HS3ST5: variants seen among roughly 807,000 people sequenced by gnomAD.
HS3ST5 encodes heparan sulfate-glucosamine 3-sulfotransferase 5.
In HS3ST5, 10 loss-of-function variants were observed where a neutral mutation model predicts 25.4. That is an observed-to-expected ratio of 0.39 (90% CI 0.24 to 0.67). HS3ST5 has a LOEUF of 0.67. Ranked by LOEUF, HS3ST5 falls within the 30% of genes least tolerant of loss-of-function variation. HS3ST5 has a pLI of 0.44. For synonymous variants in HS3ST5, 170 were observed against 162.4 expected (o/e 1.05, Z -0.36); for missense variants, 324 against 420.7 (o/e 0.77, Z 2.01).
intron 4 of HS3ST5, chr6:114,059,618 T>G (rs1021950467): frequency 6.6e-6 from 1 of 152,196 alleles, no homozygotes; most frequent in African/African-American, 2.4e-5. Flanking sequence ...TCATGAGATT[T>G]GATGGTTTAA....
intron 1 of HS3ST5, among the ~76,000 whole-genome samples, chr6:114,257,068 A>C (rs995396273): frequency 6.6e-6 from 1 of 152,158 alleles, no homozygotes; most frequent in African/African-American, 2.4e-5. Context: ...CTTATTCACT[A>C]CCACAAGAAC....
At chr6:114,332,895 C>G (rs1415187310) in intron 1 of HS3ST5, among the ~76,000 whole-genome samples, 1 of 152,048 alleles carries the variant, frequency 6.6e-6, no homozygotes, top group Non-Finnish European at 1.5e-5. Context: ...CATTCCTTCC[C>G]TGGAGTCACC....
chr6:114,070,193 T>C (rs1773728971), intron 3 of HS3ST5, among the ~76,000 whole-genome samples: 1 of 151,656 alleles, frequency 6.6e-6, no homozygotes, highest in Non-Finnish European at 1.5e-5. Context: ...TAATAAATAT[T>C]CGTTCATTGA....
At chr6:114,306,256 T>TATAC (rs756494412) in intron 1 of HS3ST5, among the ~76,000 whole-genome samples, 4 of 115,420 alleles carry the variant, frequency 3.5e-5, no homozygotes, top group African/African-American at 9.0e-5. Flanking sequence ...TATATATATA[T>TATAC]ACACACACAC....
chr6:114,311,256 T>C (rs566159827), intron 1 of HS3ST5, among the ~76,000 whole-genome samples: 6 of 151,744 alleles, frequency 4.0e-5, no homozygotes, highest in East Asian at 1.9e-4. Context: ...TACTAAGATA[T>C]AGAGATCTAC....
rs371101980 is a variant in HS3ST5, at chr6:114,331,748, A to G, written c.-339+10447T>C. 5.9e-5 allele frequency among the ~76,000 whole-genome samples: 9 copies of G among 152,218 alleles called. No individual in the cohort carries two copies. In the East Asian group the frequency reaches 1.7e-3, roughly 29 times the overall value. The stretch of plus-strand genomic sequence containing the variant: ...CATTAAATGTATTAATCTACAGGTC[A>G]TTTCTATTTATTTAGTACTAGAGAC... On this transcript the variant is annotated intron_variant, in intron 1 of 4. Coordinates refer to ENST00000312719, the MANE Select transcript of HS3ST5 (RefSeq NM_153612.4).
intron 3 of HS3ST5, among the ~76,000 whole-genome samples, chr6:114,151,673 C>T (rs1470221952): frequency 6.6e-6 from 1 of 152,192 alleles, no homozygotes. Flanking sequence ...CAACCACTTG[C>T]TTCTGAGTTA....
chr6:114,078,751 C>A (rs1347394965), intron 3 of HS3ST5, among the ~76,000 whole-genome samples: 1 of 152,112 alleles, frequency 6.6e-6, no homozygotes, highest in African/African-American at 2.4e-5. Flanking sequence ...GTAAATTCAT[C>A]CCCTTTCTAT....
rs548097129 is a variant in HS3ST5, at chr6:114,304,256, T to A, written c.-339+37939A>T. Among the ~76,000 whole-genome samples, 5 of 152,264 alleles carry A rather than the reference T, an allele frequency of 3.3e-5. No individual in the cohort carries two copies. In the South Asian group the frequency reaches 1.0e-3, roughly 32 times the overall value. On this transcript the variant is annotated intron_variant, in intron 1 of 4. Coordinates refer to ENST00000312719, the MANE Select transcript of HS3ST5 (RefSeq NM_153612.4). ...GGTATCATATATTAAGAATTTGTGA[T>A]GTTTTCTTAAATATCTAATGTTGAC... is the stretch of plus-strand genomic sequence containing the variant.
At chr6:114,151,818 C>T (rs1778463643) in intron 3 of HS3ST5, among the ~76,000 whole-genome samples, 1 of 152,168 alleles carries the variant, frequency 6.6e-6, no homozygotes, top group African/African-American at 2.4e-5. Flanking sequence ...ATTCCTGTGC[C>T]AGTGTTTTCA....
chr6:114,112,919 T>C (rs2114852858), intron 3 of HS3ST5, among the ~76,000 whole-genome samples: 1 of 152,332 alleles, frequency 6.6e-6, no homozygotes, highest in African/African-American at 2.4e-5. Context: ...TAGTAGTAGA[T>C]GAACTGTCCA....
chr6:114,084,578 C>G, intron 3 of HS3ST5: 2 of 767,504 alleles, frequency 2.6e-6, no homozygotes, highest in Admixed American at 3.4e-5. Flanking sequence ...CACGGGATGG[C>G]AAAGTCCACA....
intron 1 of HS3ST5, among the ~76,000 whole-genome samples, chr6:114,243,238 T>C (rs1772223513): frequency 6.6e-6 from 1 of 152,212 alleles, no homozygotes; most frequent in African/African-American, 2.4e-5. Context: ...ATGCATATTA[T>C]TGTATGTTGC....
At chr6:114,101,527 A>T (rs2114822059) in intron 3 of HS3ST5, among the ~76,000 whole-genome samples, 1 of 152,268 alleles carries the variant, frequency 6.6e-6, no homozygotes, top group East Asian at 1.9e-4. Context: ...CTCCAAAAAT[A>T]TTTTCAATAA....
intron 2 of HS3ST5, among the ~76,000 whole-genome samples, chr6:114,224,301 A>C (rs1782182723): frequency 6.6e-6 from 1 of 151,708 alleles, no homozygotes; most frequent in Non-Finnish European, 1.5e-5. Context: ...GATATGACAG[A>C]AACATACTGT....
intron 1 of HS3ST5, among the ~76,000 whole-genome samples, chr6:114,341,979 G>C (rs1365815315): frequency 6.6e-6 from 1 of 152,116 alleles, no homozygotes; most frequent in Non-Finnish European, 1.5e-5. Context: ...TGCCCCCGCC[G>C]TTTCTCATCT....
At chr6:114,108,151 A>G (rs990911518) in intron 3 of HS3ST5, among the ~76,000 whole-genome samples, 4 of 152,200 alleles carry the variant, frequency 2.6e-5, no homozygotes, top group African/African-American at 9.7e-5. Context: ...ATTAAAACAG[A>G]GAAAATATAA....
At chr6:114,339,368 T>A (rs1455527942) in intron 1 of HS3ST5, among the ~76,000 whole-genome samples, 1 of 152,142 alleles carries the variant, frequency 6.6e-6, no homozygotes, top group Non-Finnish European at 1.5e-5. Context: ...GTCAAGAGCA[T>A]CAAATAAAAT....
At position 114,056,969 on chromosome 6, in the gene HS3ST5, G is replaced by A. The variant is rs74668424; in HGVS notation, c.*288C>T. 2,125 of 291,224 alleles carry A rather than the reference G, an allele frequency of 7.3e-3. 37 individuals carry two copies. Among genetic ancestry groups the A allele is most frequent in the African/African-American group, 0.042 (1,965 of 46,448 alleles). The allele number at this position is 291,224 out of a possible 1,614,324, so 18.0% of individuals were successfully genotyped here. On this transcript the variant is annotated 3_prime_UTR_variant, in exon 5 of 5. Coordinates refer to ENST00000312719, the MANE Select transcript of HS3ST5 (RefSeq NM_153612.4). ...GCGGGTGACAAATTCTGAATCAAAG[G>A]AAGACTAACTCTTTGAGAATAGCTG...
Sources: allele counts gnomAD v4.1 joint callset (sites outside exome capture counted in the v4.1 genomes callset), GRCh38; gene constraint gnomAD v4.1.1; transcripts MANE v1.5; gene names NCBI Gene and HGNC (gene_info 2026-07-23, HGNC 2026-07-21).